SPAG16: variants seen among roughly 807,000 people sequenced by gnomAD.
The protein encoded by SPAG16 is sperm-associated antigen 16 protein.
A neutral mutation model predicts 80.4 loss-of-function variants in SPAG16; 86 were observed. That is an observed-to-expected ratio of 1.07 (90% confidence interval 0.90 to 1.28). SPAG16 has a LOEUF of 1.28. Among genes scored for constraint, SPAG16 ranks in the 50% most tolerant of loss-of-function variants. SPAG16 has a pLI of 0.00. For missense variants in SPAG16, 870 were observed against 765.3 expected, an observed-to-expected ratio of 1.14 and a Z score of -1.61; for synonymous variants, 294 against 265.9, an observed-to-expected ratio of 1.11 and a Z score of -1.03.
At chr2:214,019,898 A>G (rs2047772778) in intron 13 of SPAG16, among the ~76,000 whole-genome samples, 1 of 152,184 alleles carries the variant, frequency 6.6e-6, no homozygotes, top group Admixed American at 6.5e-5. Context: ...GGGACAATGT[A>G]TAAAGATAAA....
At chr2:214,268,628 A>G (rs1691765033) in intron 15 of SPAG16, among the ~76,000 whole-genome samples, 1 of 151,970 alleles carries the variant, frequency 6.6e-6, no homozygotes, top group African/African-American at 2.4e-5. Context: ...AGAAGAACCA[A>G]CATGACTGAA....
chr2:214,004,802 G>C (rs751833653), intron 12 of SPAG16, among the ~76,000 whole-genome samples: 6 of 152,074 alleles, frequency 3.9e-5, no homozygotes, highest in Non-Finnish European at 8.8e-5. Context: ...ACAGCCTGTA[G>C]ATTTTATAGG....
intron 9 of SPAG16, among the ~76,000 whole-genome samples, chr2:213,446,964 GA>G (rs2125555155): frequency 6.6e-6 from 1 of 152,276 alleles, no homozygotes; most frequent in African/African-American, 2.4e-5. Flanking sequence ...TAAGACAAAT[GA>G]AAGGGGGAGT....
chr2:214,149,362 C>A, intron 15 of SPAG16, 96 bp downstream of exon 15: 1 of 1,180,302 alleles, frequency 8.5e-7, no homozygotes, highest in Non-Finnish European at 1.1e-6. Context: ...TGTATTTCTA[C>A]GTAAATGTCT....
At chr2:213,777,237 A>ATTTTTTTTTTTT (rs59548915) in intron 10 of SPAG16, among the ~76,000 whole-genome samples, 1 of 82,702 alleles carries the variant, frequency 1.2e-5, no homozygotes, top group Non-Finnish European at 2.2e-5. Context: ...GTTTGTAGGA[A>ATTTTTTTTTTTT]TTTTTTTTTT....
chr2:214,279,753 C>T (rs1444649310), intron 15 of SPAG16, among the ~76,000 whole-genome samples: 2 of 152,056 alleles, frequency 1.3e-5, no homozygotes, highest in Non-Finnish European at 2.9e-5. Flanking sequence ...GAAACATTGA[C>T]CAAGATATAT....
chr2:214,171,698 T>A (rs1361536402), intron 15 of SPAG16, among the ~76,000 whole-genome samples: 1 of 151,950 alleles, frequency 6.6e-6, no homozygotes, highest in Non-Finnish European at 1.5e-5. Context: ...AAATTTTATC[T>A]TTTTCCATAG....
intron 10 of SPAG16, among the ~76,000 whole-genome samples, chr2:213,700,266 C>T (rs1215432220): frequency 6.6e-6 from 1 of 151,294 alleles, no homozygotes; most frequent in South Asian, 2.1e-4. Context: ...ATTTAAGAAA[C>T]CATTTCCATA....
At chr2:214,181,599 C>G (rs1386427602) in intron 15 of SPAG16, among the ~76,000 whole-genome samples, 1 of 151,762 alleles carries the variant, frequency 6.6e-6, no homozygotes, top group African/African-American at 2.4e-5. Flanking sequence ...TTGCTAGAGG[C>G]CGTCTCTCTC....
At chr2:214,316,021 A>G (rs1695669947) in intron 15 of SPAG16, among the ~76,000 whole-genome samples, 1 of 152,132 alleles carries the variant, frequency 6.6e-6, no homozygotes, top group South Asian at 2.1e-4. Context: ...TCTTTTGTTC[A>G]TGAAGGATTA....
At chr2:213,635,282 G>A (rs2062318788) in intron 10 of SPAG16, among the ~76,000 whole-genome samples, 1 of 152,026 alleles carries the variant, frequency 6.6e-6, no homozygotes. Flanking sequence ...TGATCTGCCT[G>A]CCTTAGGCTC....
At chr2:214,317,494 G>A (rs1392262567) in intron 15 of SPAG16, among the ~76,000 whole-genome samples, 2 of 152,102 alleles carry the variant, frequency 1.3e-5, no homozygotes, top group Admixed American at 6.6e-5. Context: ...TAAGATTCCC[G>A]AACCCATGTT....
At position 213,975,203 on chromosome 2, in the gene SPAG16, C is replaced by G. The variant is rs1031625629; in HGVS notation, c.1401-38748C>G. Among the ~76,000 whole-genome samples the G allele has an allele frequency of 6.6e-5, 10 of 150,906 alleles. No individual in the cohort carries two copies. The East Asian group carries it at 1.2e-3, about 18-fold the overall frequency. On this transcript the variant is annotated intron_variant, in intron 12 of 15. Coordinates refer to ENST00000331683, the MANE Select transcript of SPAG16 (RefSeq NM_024532.5). The stretch of plus-strand genomic sequence containing the variant: ...ATATTTATAGAATATATATCCCAAA[C>G]TTTCTATTCATATATTTAAATAAAT...
intron 15 of SPAG16, among the ~76,000 whole-genome samples, chr2:214,210,719 G>C (rs1357705371): frequency 6.6e-6 from 1 of 151,874 alleles, no homozygotes; most frequent in Non-Finnish European, 1.5e-5. Context: ...AATATCAAAG[G>C]CCTTAGAAAC....
intron 10 of SPAG16, among the ~76,000 whole-genome samples, chr2:213,572,823 G>A (rs1412764494): frequency 2.0e-5 from 3 of 152,088 alleles, no homozygotes; most frequent in South Asian, 2.1e-4. Context: ...AATGGCGGGC[G>A]CCCCTCCCCC....
chr2:214,110,259 AG>A (rs1346383626), intron 14 of SPAG16, among the ~76,000 whole-genome samples: 1 of 152,090 alleles, frequency 6.6e-6, no homozygotes, highest in African/African-American at 2.4e-5. Context: ...CATTTACATT[AG>A]GTACTTCTCC....
chr2:213,522,945 G>A (rs2075736702), intron 10 of SPAG16, among the ~76,000 whole-genome samples: 1 of 151,650 alleles, frequency 6.6e-6, no homozygotes, highest in Admixed American at 6.6e-5. Context: ...TTATGGAGAG[G>A]CAGAGGCAAC....
At chr2:214,409,071 CTA>C (rs1408948082) in intron 15 of SPAG16, among the ~76,000 whole-genome samples, 1 of 151,368 alleles carries the variant, frequency 6.6e-6, no homozygotes, top group Non-Finnish European at 1.5e-5. Context: ...TTAGTACTAA[CTA>C]TTTAAAATAT....
chr2:213,654,729 A>T (rs1236923921), intron 10 of SPAG16, among the ~76,000 whole-genome samples: 1 of 151,442 alleles, frequency 6.6e-6, no homozygotes, highest in African/African-American at 2.4e-5. Flanking sequence ...AAAAAAAAAT[A>T]AAGAAGAAGT....
Sources: gnomAD v4.1 joint callset for allele counts (sites outside exome capture counted in the v4.1 genomes callset) on GRCh38, gnomAD v4.1.1 for gene constraint, MANE v1.5 for transcripts, NCBI Gene and HGNC (gene_info 2026-07-23, HGNC 2026-07-21) for gene names.